Variants in TMEM179 observed in about 807,000 individuals in gnomAD.
The protein encoded by TMEM179 is transmembrane protein 179A.
TMEM179 carries 17 observed loss-of-function variants against 22.2 expected under a neutral mutation model. The observed-to-expected ratio is 0.77, with a 90% confidence interval of 0.52 to 1.15. The LOEUF (loss-of-function observed/expected upper bound fraction) is 1.15, where lower values mean the gene tolerates loss of function less well. TMEM179 is among the 50% of genes most tolerant of loss of function. TMEM179 has a pLI of 0.00. For missense variants in TMEM179, 265 were observed against 313.6 expected, an observed-to-expected ratio of 0.84 and a Z score of 1.17; for synonymous variants, 127 against 140.5, an observed-to-expected ratio of 0.90 and a Z score of 0.68.
At chr14:104,594,573 C>T (rs762795485) in intron 3 of TMEM179, 40 of 1,230,550 alleles carry the variant, frequency 3.3e-5, no homozygotes, top group Non-Finnish European at 3.7e-5. Context: ...TGTGTCCCCA[C>T]ATGCCTGCAT....
At chr14:104,600,436 C>T (rs1052962968) in intron 1 of TMEM179, among the ~76,000 whole-genome samples, 2 of 152,236 alleles carry the variant, frequency 1.3e-5, no homozygotes, top group Non-Finnish European at 2.9e-5. Flanking sequence ...AGCATCCCTC[C>T]GGCCCGCCAA....
intron 2 of TMEM179, among the ~76,000 whole-genome samples, chr14:104,596,593 C>T (rs1887029101): frequency 6.6e-6 from 1 of 152,204 alleles, no homozygotes; most frequent in Admixed American, 6.5e-5. Context: ...AGGACAGAAG[C>T]CCCACAGTCT....
chr14:104,593,420 G>A lies in TMEM179; in HGVS notation c.*59C>T, dbSNP rs1886906188. On this transcript the variant is annotated 3_prime_UTR_variant, in exon 4 of 4. Transcript: ENST00000556573. ...GCCCCCCAGCTGCTTCCCCAGGCAG[G>A]CCCGTGCCCCCGAGCGCAGCAGGGA... The A allele has an allele frequency of 1.4e-5, 22 of 1,530,540 alleles. No individual in the cohort carries two copies. Among genetic ancestry groups the A allele is most frequent in the Non-Finnish European group, 1.9e-5 (22 of 1,142,484 alleles). 94.8% of individuals were successfully genotyped at this position (1,530,540 alleles called of 1,614,324 possible).
intron 3 of TMEM179, chr14:104,594,009 C>G: frequency 8.3e-7 from 1 of 1,209,762 alleles, no homozygotes. Context: ...TCCGGCCTGT[C>G]GGCTCTAAGG....
In TMEM179 at chr14:104,604,497, A is replaced by C; in HGVS notation, c.245T>G (p.Leu82Arg). The C allele has an allele frequency of 6.3e-7, 1 of 1,577,410 alleles. No individual in the cohort carries two copies. The highest frequency in any genetic ancestry group is 1.2e-5 in the South Asian group (1 of 86,888). Reference sequence around the variant, plus strand: ...CCAGGCGTGCGCGGCGGCCAGCAGCAGAGACAGGAGGCTGGCGAGCAGGCT... The same window carrying C: ...CCAGGCGTGCGCGGCGGCCAGCAGCCGAGACAGGAGGCTGGCGAGCAGGCT... Reference protein sequence around the residue: ...RFSLLASLLSLLLAAAHAWRT... With the variant: ...RFSLLASLLSRLLAAAHAWRT... Residue 82 changes from leucine (L) to arginine (R), a missense_variant, in exon 1 of 4, where the codon CTG becomes CGG. Coordinates refer to ENST00000556573, the MANE Select transcript of TMEM179 (RefSeq NM_001286389.2). The surrounding 1 kb of genome is among the most constrained non-coding windows in gnomAD (Gnocchi z 4.6).
chr14:104,598,200 C>T (rs756443945), intron 1 of TMEM179, among the ~76,000 whole-genome samples: 12 of 152,134 alleles, frequency 7.9e-5, no homozygotes, highest in African/African-American at 2.4e-4. Context: ...GGAATGCACA[C>T]GGAGGCTCCG....
At chr14:104,601,508 G>A (rs976214264) in intron 1 of TMEM179, among the ~76,000 whole-genome samples, 2 of 152,172 alleles carry the variant, frequency 1.3e-5, no homozygotes, top group Non-Finnish European at 2.9e-5. Context: ...TCTTGAGAGC[G>A]TTAACCTTCG....
intron 1 of TMEM179, among the ~76,000 whole-genome samples, chr14:104,600,791 C>T (rs1887211973): frequency 6.6e-6 from 1 of 152,260 alleles, no homozygotes; most frequent in South Asian, 2.1e-4. Flanking sequence ...AAGCTGGCAC[C>T]TGAGACATGG....
Position 104,600,534 on chromosome 14 carries a change from C to T in TMEM179, c.306-3407G>A, listed in dbSNP as rs1027412758. Among the ~76,000 whole-genome samples, 35 of 152,342 alleles carry T rather than the reference C, an allele frequency of 2.3e-4. 1 individual carries two copies. The highest frequency in any genetic ancestry group is 1.7e-3 in the Admixed American group (26 of 15,304). Reference sequence around the variant, plus strand: ...GCTGCCTCAGCAAACCCTTCTGCCCCGAAATGGCAAGCCTCTCTGAAGCAC... The same window carrying T: ...GCTGCCTCAGCAAACCCTTCTGCCCTGAAATGGCAAGCCTCTCTGAAGCAC... On this transcript the variant is annotated intron_variant, in intron 1 of 3. Transcript: ENST00000556573.
chr14:104,596,964 G>A, intron 2 of TMEM179, 26 bp downstream of exon 2: 1 of 1,595,594 alleles, frequency 6.3e-7, no homozygotes, highest in Non-Finnish European at 8.5e-7. Flanking sequence ...GGTGGGCGGA[G>A]GCCGAGGCGG....
In TMEM179 at chr14:104,604,682, G is replaced by T. The variant is rs1169744839; in HGVS notation, c.60C>A (p.Phe20Leu). ...ACAGCGGGACCACCACCACGAAGCTGAACAGGAAGGCCAAGAAGTAGCAGG... is the reference window on the plus strand; with the variant it reads ...ACAGCGGGACCACCACCACGAAGCTTAACAGGAAGGCCAAGAAGTAGCAGG... ...QCACYFLAFL[F>L]SFVVVVPLSE... The change falls in exon 1 of 4, where the codon TTC becomes TTA. Residue 20 changes from phenylalanine (F) to leucine (L), a missense_variant. By Grantham distance (22) the Phe-to-Leu change is conservative. Transcript: ENST00000556573. The surrounding 1 kb of genome is among the most constrained non-coding windows in gnomAD (Gnocchi z 4.6). 24 of 1,598,746 alleles carry T rather than the reference G, an allele frequency of 1.5e-5. No homozygotes were observed. The highest frequency in any genetic ancestry group is 2.0e-5 in the Non-Finnish European group (24 of 1,173,902).
intron 1 of TMEM179, among the ~76,000 whole-genome samples, chr14:104,598,121 G>A (rs1239576011): frequency 2.0e-5 from 3 of 152,126 alleles, no homozygotes; most frequent in African/African-American, 4.8e-5. Flanking sequence ...GCCTGCAAAC[G>A]TCCATCATCT....
Position 104,595,188 on chromosome 14 carries a change from A to G in TMEM179, c.499T>C (p.Tyr167His). The change falls in exon 3 of 4, where the codon TAC (tyrosine) becomes CAC (histidine). Residue 167 changes from tyrosine to histidine, a missense_variant. Tyr to His is a moderately conservative substitution (Grantham distance 83). Transcript: ENST00000556573. The surrounding 1 kb of genome is among the most constrained non-coding windows in gnomAD (Gnocchi z 5.7). ...ACCTGGGCAATTGCAAACTGATCGT[A>G]GAAGGCGGAGTTGTCCACGCCCAGC... ...LELGVDNSAFYDQFAIAQFGL... is the reference protein window; with the variant it reads ...LELGVDNSAFHDQFAIAQFGL... 1 of 1,613,698 alleles carries G rather than the reference A, an allele frequency of 6.2e-7. No homozygotes were observed. The highest frequency in any genetic ancestry group is 8.5e-7 in the Non-Finnish European group (1 of 1,179,962).
chr14:104,595,253 C>T lies in TMEM179; in HGVS notation c.444-10G>A, dbSNP rs370516221. On this transcript the variant is annotated splice_polypyrimidine_tract_variant and intron_variant, in intron 2 of 3. Transcript: ENST00000556573. This position sits in a 1 kb window ranked among gnomAD's most constrained non-coding sequence, Gnocchi z 5.7. ...CTGGAGCTCTTCACAGCTAAAACAG[C>T]AGGACATAGGGTGGAGGGTGACCAC... 205 of 1,611,592 alleles carry T rather than the reference C, an allele frequency of 1.3e-4. No homozygotes were observed. Among genetic ancestry groups the T allele is most frequent in the Admixed American group, 2.0e-4 (12 of 59,848 alleles).
chr14:104,594,735 T>A, intron 3 of TMEM179: 1 of 1,140,562 alleles, frequency 8.8e-7, no homozygotes, highest in Non-Finnish European at 1.1e-6. Flanking sequence ...CTGTATCAGC[T>A]TCCCCCTGGC....
rs561803301 is a variant in TMEM179 at position 104,591,387 on chromosome 14, G to T, written c.*2092C>A. The T allele has an allele frequency of 4.4e-6, 2 of 456,020 alleles. No individual in the cohort carries two copies. The highest frequency in any genetic ancestry group is 6.9e-5 in the East Asian group (1 of 14,390). 28.2% of individuals were successfully genotyped at this position (456,020 alleles called of 1,614,324 possible). On this transcript the variant is annotated 3_prime_UTR_variant, in exon 4 of 4. Transcript: ENST00000556573. ...TGAGGCAGGAGCCACCCCACCTTCT[G>T]CTGGGGACACAGACAAGGAGCTCTC...
chr14:104,593,906 G>C (rs1381524257), intron 3 of TMEM179, among the ~76,000 whole-genome samples: 2 of 152,230 alleles, frequency 1.3e-5, no homozygotes, highest in African/African-American at 4.8e-5. Context: ...TGGTGCAAAA[G>C]CCCTGGGCAC....
At position 104,592,367 on chromosome 14, in the gene TMEM179, G is replaced by T. The variant is rs1040905663; in HGVS notation, c.*1112C>A. The T allele has an allele frequency of 5.9e-5, 9 of 152,360 alleles. No homozygotes were observed. In the Admixed American group the frequency reaches 5.9e-4, roughly 10 times the overall value. 9.4% of individuals were successfully genotyped at this position (152,360 alleles called of 1,614,324 possible). A position where few individuals can be genotyped will look rare whatever the true frequency, so the allele number is the denominator to read the frequency against. Reference sequence around the variant, plus strand: ...CACACTCACAATCAAGCCTTCACACGCACAACAGTCACACCCTCACATGCA... The same window carrying T: ...CACACTCACAATCAAGCCTTCACACTCACAACAGTCACACCCTCACATGCA... On this transcript the variant is annotated 3_prime_UTR_variant, in exon 4 of 4. Transcript: ENST00000556573.
At position 104,604,702 on chromosome 14, in the gene TMEM179, A is replaced by T. The variant is rs747396972; in HGVS notation, c.40T>A (p.Tyr14Asn). 2.5e-5 allele frequency: 40 copies of T among 1,593,490 alleles called. No individual in the cohort carries two copies. Among genetic ancestry groups the T allele is most frequent in the Non-Finnish European group, 3.1e-5 (36 of 1,171,652 alleles). Residue 14 changes from tyrosine to asparagine, a missense_variant, in exon 1 of 4, where the codon TAC becomes AAC. Coordinates refer to ENST00000556573, the MANE Select transcript of TMEM179 (RefSeq NM_001286389.2). The surrounding 1 kb of genome is among the most constrained non-coding windows in gnomAD (Gnocchi z 4.6). ...NNFLFAQCAC[Y>N]FLAFLFSFVV... The stretch of plus-strand genomic sequence containing the variant: ...AAGCTGAACAGGAAGGCCAAGAAGT[A>T]GCAGGCGCACTGAGCGAAAAGGAAA...
Sources: gnomAD v4.1 joint callset for allele counts (sites outside exome capture counted in the v4.1 genomes callset) on GRCh38, gnomAD v4.1.1 for gene constraint, Gnocchi (gnomAD v3.1) non-coding constraint, MANE v1.5 for transcripts, NCBI Gene and HGNC (gene_info 2026-07-23, HGNC 2026-07-21) for gene names.